Variants in CHERP observed in about 807,000 individuals in gnomAD.
CHERP encodes calcium homeostasis endoplasmic reticulum protein, also known as ERPROT 213-21.
Under a neutral mutation model 113.8 loss-of-function variants are expected in CHERP, and 8 were observed. The ratio of observed to expected loss-of-function variants is 0.07; its 90% CI spans 0.04 to 0.13. The LOEUF is 0.13. CHERP is among the 10% of genes least tolerant of loss of function. CHERP has a pLI of 1.00. For missense variants in CHERP, 884 were observed against 1,298.2 expected, an observed-to-expected ratio of 0.68 and a Z score of 4.90; for synonymous variants, 559 against 524.5, an observed-to-expected ratio of 1.07 and a Z score of -0.90.
At chr19:16,524,801 C>T (rs917175425) in intron 10 of CHERP, among the ~76,000 whole-genome samples, 3 of 151,624 alleles carry the variant, frequency 2.0e-5, no homozygotes, top group African/African-American at 4.8e-5. Context: ...GTCTGTCGCC[C>T]AGGGTGGAGT....
chr19:16,528,291 G>A, intron 8 of CHERP, 36 bp from the exon 9 acceptor site: 3 of 1,530,458 alleles, frequency 2.0e-6, no homozygotes, highest in Non-Finnish European at 2.6e-6. Context: ...AGCAGGCCTG[G>A]CAGCAGGAGG....
In CHERP at chr19:16,520,153, G is replaced by A; in HGVS notation, c.2458C>T (p.Pro820Ser). The A allele has an allele frequency of 1.2e-6, 2 of 1,612,278 alleles. No homozygotes were observed. Among genetic ancestry groups the A allele is most frequent in the African/African-American group, 1.3e-5 (1 of 75,050 alleles). The part of the protein sequence containing the change: ...RRRSRSRSPT[P>S]PSSAGLGSNS... ...GCACTTAAGACAGGATCTTACGGCG[G>A]GGTGGGGCTCCTGGACCGTGACCGG... The change falls in exon 15 of 17, where the codon CCG (proline) becomes TCG (serine). Residue 820 changes from proline (P) to serine (S), a missense_variant. Pro to Ser is a moderately conservative substitution (Grantham distance 74). This residue lies in a region of CHERP where 159 missense variants were observed against 185.8 expected (regional missense o/e 0.86). Coordinates refer to ENST00000546361, the MANE Select transcript of CHERP (RefSeq NM_006387.6). The surrounding 1 kb of genome is among the most constrained non-coding windows in gnomAD (Gnocchi z 4.0).
intron 12 of CHERP, 124 bp downstream of exon 12, chr19:16,521,396 CG>C: frequency 3.7e-6 from 3 of 812,536 alleles, no homozygotes; most frequent in South Asian, 2.0e-5. Flanking sequence ...GTCACTCAGG[CG>C]GGGGGAGGGC....
At position 16,521,175 on chromosome 19, in the gene CHERP, A is replaced by T. The variant is rs535215696; in HGVS notation, c.2115-263T>A. ...GGGACCCATGGTCTGTGGAACTGGG[A>T]AACAGGAACACTGACTCATGGGTGG... On this transcript the variant is annotated intron_variant, in intron 12 of 16. Transcript: ENST00000546361. 5.1e-6 allele frequency: 3 copies of T among 584,146 alleles called. No individual in the cohort carries two copies. In the South Asian group the frequency reaches 6.1e-5, roughly 12 times the overall value. 36.2% of individuals were successfully genotyped at this position (584,146 alleles called of 1,614,324 possible). A position where few individuals can be genotyped will look rare whatever the true frequency, so the allele number is the denominator to read the frequency against.
chr19:16,525,520 C>T lies in CHERP; in HGVS notation c.1463G>A (p.Trp488Ter). The T allele has an allele frequency of 6.5e-7, 1 of 1,550,074 alleles. No homozygotes were observed. ...CCAGGGGCCCTCGAACTGGCTGTTC[C>T]AGGCGGCGTCGGGCTGGTTGTTCCA... ...APWNNQPDAA[W>*]NSQFEGPWNS... The change falls in exon 10 of 17, where the codon TGG (tryptophan) becomes TAG (stop). Residue 488 changes from tryptophan to a stop codon, truncating the protein, a stop_gained. Coordinates refer to ENST00000546361, the MANE Select transcript of CHERP (RefSeq NM_006387.6). LOFTEE classifies it high-confidence loss of function. The surrounding 1 kb of genome is among the most constrained non-coding windows in gnomAD (Gnocchi z 6.5).
chr19:16,528,674 C>T (rs932004685), intron 8 of CHERP, among the ~76,000 whole-genome samples: 1 of 152,210 alleles, frequency 6.6e-6, no homozygotes, highest in East Asian at 1.9e-4. Context: ...CTTTGCTAGG[C>T]CGGGTGCGGT....
Position 16,530,951 on chromosome 19 carries a change from G to A in CHERP, c.675-71C>T, listed in dbSNP as rs771814785. On this transcript the variant is annotated intron_variant, in intron 5 of 16. Coordinates refer to ENST00000546361, the MANE Select transcript of CHERP (RefSeq NM_006387.6). This position sits in a 1 kb window ranked among gnomAD's most constrained non-coding sequence, Gnocchi z 4.1. ...CCGGCCACGCGCCCGTTACCATCGCGGCTCCAGCCTCAGCGCCCTCTGCCT... is the reference window on the plus strand; with the variant it reads ...CCGGCCACGCGCCCGTTACCATCGCAGCTCCAGCCTCAGCGCCCTCTGCCT... The A allele has an allele frequency of 9.5e-6, 15 of 1,571,504 alleles. No individual in the cohort carries two copies. Among genetic ancestry groups the A allele is most frequent in the East Asian group, 4.6e-5 (2 of 43,112 alleles).
intron 12 of CHERP, chr19:16,521,260 C>T (rs988101621): frequency 1.8e-6 from 1 of 567,912 alleles, no homozygotes; most frequent in African/African-American, 1.9e-5. Flanking sequence ...GGGCTGAGGG[C>T]CCTGTGGCAG....
chr19:16,534,197 C>T (rs1200102131), intron 3 of CHERP, among the ~76,000 whole-genome samples: 6 of 152,102 alleles, frequency 3.9e-5, no homozygotes, highest in Non-Finnish European at 8.8e-5. Context: ...ACTACAGACA[C>T]CTGTCACTGC....
chr19:16,521,490 C>T, intron 12 of CHERP, 31 bp downstream of exon 12: 2 of 1,528,366 alleles, frequency 1.3e-6, no homozygotes, highest in African/African-American at 2.7e-5. Flanking sequence ...ACAGAGGCCT[C>T]CCGCCCACCC....
rs1317776384 is a variant in CHERP, at chr19:16,521,000, C to T, written c.2115-88G>A. On this transcript the variant is annotated intron_variant, in intron 12 of 16. Coordinates refer to ENST00000546361, the MANE Select transcript of CHERP (RefSeq NM_006387.6). The surrounding 1 kb of genome is among the most constrained non-coding windows in gnomAD (Gnocchi z 4.0). ...AGTCATCAGGAGTTAATCCACAGAACCTTGGAGAGTACATGGCCCTGTGGC... is the reference window on the plus strand; with the variant it reads ...AGTCATCAGGAGTTAATCCACAGAATCTTGGAGAGTACATGGCCCTGTGGC... 1.7e-6 allele frequency: 2 copies of T among 1,148,464 alleles called. No homozygotes were observed. The highest frequency in any genetic ancestry group is 1.5e-5 in the African/African-American group (1 of 65,976). The allele number at this position is 1,148,464 out of a possible 1,614,324, so 71.1% of individuals were successfully genotyped here.
At chr19:16,531,271 T>C (rs1235405239) in intron 5 of CHERP, among the ~76,000 whole-genome samples, 3 of 152,202 alleles carry the variant, frequency 2.0e-5, no homozygotes, top group Non-Finnish European at 2.9e-5. Flanking sequence ...GTCTTGTCCT[T>C]GTCACTCACT....
chr19:16,530,855 G>T lies in CHERP; in HGVS notation c.700C>A (p.Leu234Met). ...HCQRKQARELLAALQKVVVPI... is the reference protein window; with the variant it reads ...HCQRKQARELMAALQKVVVPI... Reference sequence around the variant, plus strand: ...ACCACGACCTTCTGCAGGGCGGCCAGCAGCTCCCGGGCCTGCTTGCGCTGG... The same window carrying T: ...ACCACGACCTTCTGCAGGGCGGCCATCAGCTCCCGGGCCTGCTTGCGCTGG... The change falls in exon 6 of 17, where the codon CTG becomes ATG. Residue 234 changes from leucine (L) to methionine (M), a missense_variant. By Grantham distance (15) the Leu-to-Met change is conservative. Coordinates refer to ENST00000546361, the MANE Select transcript of CHERP (RefSeq NM_006387.6). This position sits in a 1 kb window ranked among gnomAD's most constrained non-coding sequence, Gnocchi z 4.1. 6.2e-7 allele frequency: 1 copy of T among 1,613,650 alleles called. No homozygotes were observed. Among genetic ancestry groups the T allele is most frequent in the South Asian group, 1.1e-5 (1 of 91,092 alleles).
Position 16,530,797 on chromosome 19 carries a change from T to C in CHERP, c.758A>G (p.Glu253Gly). Residue 253 changes from glutamate to glycine, a missense_variant, in exon 6 of 17, where the codon GAG (glutamate) becomes GGG (glycine). By Grantham distance (98) the Glu-to-Gly change is moderately conservative. This residue lies in a region of CHERP where 73 missense variants were observed against 182.4 expected (regional missense o/e 0.40). Transcript: ENST00000546361. This position sits in a 1 kb window ranked among gnomAD's most constrained non-coding sequence, Gnocchi z 4.1. ...GGCGATCTTCTGCTGCTTGTCTTCC[T>C]CCACGGCCAAGAAGCTGGTGCAGTA... is the stretch of plus-strand genomic sequence containing the variant. ...PIYCTSFLAV[E>G]EDKQQKIARL... The C allele has an allele frequency of 1.2e-6, 2 of 1,613,922 alleles. No individual in the cohort carries two copies. Among genetic ancestry groups the C allele is most frequent in the East Asian group, 2.2e-5 (1 of 44,868 alleles).
chr19:16,528,276 G>C, intron 8 of CHERP, 21 bp from the exon 9 acceptor site: 1 of 1,549,326 alleles, frequency 6.5e-7, no homozygotes. Context: ...GTGACAGGCA[G>C]TTAGAGCAGG....
rs1231804293 is a variant in CHERP, at chr19:16,523,640, C to T, written c.1742-350G>A. ...GAACTGTATTTGGAGACAGAGCCTTCAAAGACACAAATGAGTTAAAATGAA... is the reference window on the plus strand; with the variant it reads ...GAACTGTATTTGGAGACAGAGCCTTTAAAGACACAAATGAGTTAAAATGAA... On this transcript the variant is annotated intron_variant, in intron 10 of 16. Coordinates refer to ENST00000546361, the MANE Select transcript of CHERP (RefSeq NM_006387.6). This position sits in a 1 kb window ranked among gnomAD's most constrained non-coding sequence, Gnocchi z 4.0. 2.0e-5 allele frequency among the ~76,000 whole-genome samples: 3 copies of T among 152,156 alleles called. No individual in the cohort carries two copies. The highest frequency in any genetic ancestry group is 4.4e-5 in the Non-Finnish European group (3 of 68,036).
chr19:16,539,172 G>A (rs1461420824), intron 2 of CHERP, among the ~76,000 whole-genome samples: 1 of 148,068 alleles, frequency 6.8e-6, no homozygotes, highest in Non-Finnish European at 1.5e-5. Context: ...TTTTGAGACG[G>A]AGTCTCGCTC....
chr19:16,541,678 C>T (rs1205924454), intron 2 of CHERP, 192 bp downstream of exon 2: 3 of 556,048 alleles, frequency 5.4e-6, no homozygotes, highest in Non-Finnish European at 9.3e-6. Flanking sequence ...CCTCGTTGTT[C>T]TCCATTACAG....
At chr19:16,529,591 T>C in intron 8 of CHERP, 57 bp downstream of exon 8, 2 of 1,516,604 alleles carry the variant, frequency 1.3e-6, no homozygotes, top group Non-Finnish European at 1.8e-6. Flanking sequence ...CTACACTCGG[T>C]GCCCAGCCTC....
Sources: gnomAD v4.1 joint callset for allele counts (sites outside exome capture counted in the v4.1 genomes callset) on GRCh38, gnomAD v4.1.1 for gene constraint, gnomAD v4.1.1 regional missense constraint, Gnocchi (gnomAD v3.1) non-coding constraint, MANE v1.5 for transcripts, NCBI Gene and HGNC (gene_info 2026-07-23, HGNC 2026-07-21) for gene names.